Variants in VIPR1 observed in about 807,000 individuals in gnomAD.
The protein encoded by VIPR1 is vasoactive intestinal polypeptide receptor 1.
Under a neutral mutation model 58.8 loss-of-function variants are expected in VIPR1, and 59 were observed. That is an observed-to-expected ratio of 1.00 (90% CI 0.81 to 1.25). VIPR1 has a LOEUF of 1.25. VIPR1 is among the 50% of genes most tolerant of loss of function. VIPR1 has a pLI of 0.00. For synonymous variants in VIPR1, 251 were observed against 242.1 expected (o/e 1.04, Z -0.34); for missense variants, 626 against 602.7 (o/e 1.04, Z -0.40).
chr3:42,515,565 G>T (rs1452602771), intron 2 of VIPR1, among the ~76,000 whole-genome samples: 1 of 152,246 alleles, frequency 6.6e-6, no homozygotes, highest in East Asian at 1.9e-4. Flanking sequence ...GTCACTGCTG[G>T]CACAGCGTTC....
intron 1 of VIPR1, among the ~76,000 whole-genome samples, chr3:42,493,813 A>G (rs1410698777): frequency 6.6e-6 from 1 of 152,202 alleles, no homozygotes; most frequent in Non-Finnish European, 1.5e-5. Context: ...TCCTCGTCAG[A>G]GAGGCACAGA....
chr3:42,529,868 A>G (rs533179196), intron 6 of VIPR1: 6 of 152,128 alleles, frequency 3.9e-5, no homozygotes, highest in Non-Finnish European at 7.3e-5. Context: ...TAACTCCTTC[A>G]TGGTCCTCGT....
chr3:42,502,678 C>G lies in VIPR1; in HGVS notation c.-58C>G. The G allele has an allele frequency of 8.2e-7, 1 of 1,226,274 alleles. No homozygotes were observed. The highest frequency in any genetic ancestry group is 1.0e-6 in the Non-Finnish European group (1 of 977,066). 76.0% of individuals were successfully genotyped at this position (1,226,274 alleles called of 1,614,324 possible). On this transcript the variant is annotated 5_prime_UTR_variant, in exon 1 of 13. Coordinates refer to ENST00000325123, the MANE Select transcript of VIPR1 (RefSeq NM_004624.4). ...GCTCCCGGCCATCGCCCGCCTGGTGCGCCGCCCGCCAGCTCTTTGCCCGCG... is the reference window on the plus strand; with the variant it reads ...GCTCCCGGCCATCGCCCGCCTGGTGGGCCGCCCGCCAGCTCTTTGCCCGCG...
intron 1 of VIPR1, among the ~76,000 whole-genome samples, chr3:42,505,964 G>A (rs562645199): frequency 6.6e-6 from 1 of 152,312 alleles, no homozygotes; most frequent in South Asian, 2.1e-4. Flanking sequence ...CTTTCAAGCA[G>A]GACTTCTGTG....
intron 1 of VIPR1, among the ~76,000 whole-genome samples, chr3:42,495,770 C>A (rs988656367): frequency 6.6e-6 from 1 of 151,900 alleles, no homozygotes; most frequent in African/African-American, 2.4e-5. Flanking sequence ...GAGAATGACA[C>A]CCAAGTCAAT....
intron 1 of VIPR1, among the ~76,000 whole-genome samples, chr3:42,493,304 G>A (rs996419111): frequency 9.2e-5 from 14 of 152,184 alleles, no homozygotes; most frequent in Non-Finnish European, 1.5e-4. Context: ...CAGGGAGAGG[G>A]CAGCCACTCT....
chr3:42,494,193 A>G (rs576808368), intron 1 of VIPR1, among the ~76,000 whole-genome samples: 1 of 152,388 alleles, frequency 6.6e-6, no homozygotes, highest in East Asian at 1.9e-4. Context: ...ATGTATGAAC[A>G]TGAATTAAAC....
chr3:42,512,682 T>C (rs1276380687), intron 1 of VIPR1: 6 of 952,726 alleles, frequency 6.3e-6, no homozygotes, highest in Non-Finnish European at 7.5e-6. Flanking sequence ...ACTGAGAATG[T>C]CTGATTCTGG....
intron 12 of VIPR1, among the ~76,000 whole-genome samples, chr3:42,535,878 C>T (rs1053209800): frequency 2.0e-5 from 3 of 152,176 alleles, no homozygotes; most frequent in Admixed American, 6.5e-5. Flanking sequence ...ATCCTCTCTG[C>T]CTCTTACCTC....
Position 42,527,313 on chromosome 3 carries a change from G to C in VIPR1, c.400-80G>C, listed in dbSNP as rs986479857. ...CAGGGTTGGGCAGGCAGAGTGTGTA[G>C]GGCACCCCACCCCTGCCAATACCCC... On this transcript the variant is annotated intron_variant, in intron 4 of 12. Transcript: ENST00000325123. The C allele has an allele frequency of 6.7e-6, 9 of 1,348,656 alleles. 1 individual carries two copies. In the South Asian group the frequency reaches 1.1e-4, roughly 17 times the overall value. 83.5% of individuals were successfully genotyped at this position (1,348,656 alleles called of 1,614,324 possible).
intron 5 of VIPR1, 102 bp from the exon 6 acceptor site, chr3:42,527,889 A>G: frequency 6.7e-7 from 1 of 1,496,802 alleles, no homozygotes; most frequent in Middle Eastern, 2.3e-4. Flanking sequence ...TCTGGAGGAC[A>G]CATGCTCCCC....
intron 8 of VIPR1, 89 bp downstream of exon 8, chr3:42,531,620 T>G: frequency 6.4e-7 from 1 of 1,573,886 alleles, no homozygotes; most frequent in East Asian, 2.3e-5. Flanking sequence ...CCTTGGTGAG[T>G]GGACAAAAAC....
Position 42,525,403 on chromosome 3 carries a change from C to G in VIPR1, c.293-484C>G, listed in dbSNP as rs562799602. On this transcript the variant is annotated intron_variant, in intron 3 of 12. Transcript: ENST00000325123. ...CCTCACCCCCACACTCCTGCTCCCC[C>G]TCCAGCAGCACATCTAAGCCCTTCC... Among the ~76,000 whole-genome samples, 9 of 151,698 alleles carry G rather than the reference C, an allele frequency of 5.9e-5. No individual in the cohort carries two copies. The South Asian group carries it at 6.3e-4, about 11-fold the overall frequency.
At chr3:42,527,316 C>T in intron 4 of VIPR1, 77 bp from the exon 5 acceptor site, 1 of 1,381,950 alleles carries the variant, frequency 7.2e-7, no homozygotes, top group Non-Finnish European at 1.0e-6. Context: ...GTGTGTAGGG[C>T]ACCCCACCCC....
intron 2 of VIPR1, among the ~76,000 whole-genome samples, chr3:42,515,672 A>G (rs925047004): frequency 6.6e-6 from 1 of 152,214 alleles, no homozygotes; most frequent in African/African-American, 2.4e-5. Context: ...GACCTTCTGT[A>G]GGGCTCTGTG....
At position 42,532,225 on chromosome 3, in the gene VIPR1, G is replaced by A. The variant is rs200754044; in HGVS notation, c.919-17G>A. On this transcript the variant is annotated splice_polypyrimidine_tract_variant and intron_variant, in intron 9 of 12. Coordinates refer to ENST00000325123, the MANE Select transcript of VIPR1 (RefSeq NM_004624.4). ...CTTCCCGCTCTGACTGCCCGAACTC[G>A]GGTCCCCACCCACTAGGTAAACTTC... The A allele has an allele frequency of 1.4e-5, 23 of 1,613,712 alleles. No homozygotes were observed. Among genetic ancestry groups the A allele is most frequent in the Middle Eastern group, 1.7e-4 (1 of 6,060 alleles).
At chr3:42,490,582 G>A (rs980458184) in intron 1 of VIPR1, among the ~76,000 whole-genome samples, 6 of 152,218 alleles carry the variant, frequency 3.9e-5, no homozygotes, top group African/African-American at 1.4e-4. Flanking sequence ...AGTACCCACT[G>A]GGTTGGGAGC....
At chr3:42,491,459 G>A (rs1009197235) in intron 1 of VIPR1, among the ~76,000 whole-genome samples, 1 of 152,208 alleles carries the variant, frequency 6.6e-6, no homozygotes, top group Admixed American at 6.5e-5. Context: ...AATGATCATG[G>A]TTGAGGTAGA....
In VIPR1 at chr3:42,536,917, C is replaced by T. The variant is rs990329892; in HGVS notation, c.*636C>T. The T allele has an allele frequency of 2.6e-5, 4 of 152,154 alleles. No homozygotes were observed. Among genetic ancestry groups the T allele is most frequent in the East Asian group, 1.9e-4 (1 of 5,188 alleles). 9.4% of individuals were successfully genotyped at this position (152,154 alleles called of 1,614,324 possible). A position where few individuals can be genotyped will look rare whatever the true frequency, so the allele number is the denominator to read the frequency against. On this transcript the variant is annotated 3_prime_UTR_variant, in exon 13 of 13. Transcript: ENST00000325123. ...TGGTTCCCCACCGAAGTGGACTGGC[C>T]CCTGGGTCAGTCTGGTGGGAGGACG...
Sources: gnomAD v4.1 joint callset for allele counts (sites outside exome capture counted in the v4.1 genomes callset) on GRCh38, gnomAD v4.1.1 for gene constraint, MANE v1.5 for transcripts, NCBI Gene and HGNC (gene_info 2026-07-23, HGNC 2026-07-21) for gene names.